The following SGCZ variants were observed in gnomAD, a reference collection of about 807,000 sequenced individuals.
SGCZ encodes sarcoglycan zeta, also known as zeta-sarcoglycan.
Under a neutral mutation model 41.3 loss-of-function variants are expected in SGCZ, and 40 were observed. The observed-to-expected ratio is 0.97, with a 90% confidence interval of 0.75 to 1.26. The LOEUF (loss-of-function observed/expected upper bound fraction) is 1.26, where lower values mean the gene tolerates loss of function less well. SGCZ is among the 50% of genes most tolerant of loss of function. The pLI is 0.00. For synonymous variants in SGCZ, 206 were observed against 137.5 expected (o/e 1.50, Z -3.49); for missense variants, 552 against 369.8 (o/e 1.49, Z -4.04).
chr8:14,098,805 G>A (rs888603816), intron 7 of SGCZ, among the ~76,000 whole-genome samples: 12 of 152,104 alleles, frequency 7.9e-5, no homozygotes, highest in African/African-American at 2.7e-4. Flanking sequence ...AGGATTGCAG[G>A]TGACAGCCTT....
At chr8:14,985,082 C>G (rs1193745996) in intron 1 of SGCZ, among the ~76,000 whole-genome samples, 3 of 151,968 alleles carry the variant, frequency 2.0e-5, no homozygotes, top group East Asian at 1.9e-4. Flanking sequence ...AAGCCAATAC[C>G]CAATGGTCAA....
chr8:14,871,940 G>A (rs905751883), intron 1 of SGCZ, among the ~76,000 whole-genome samples: 3 of 150,610 alleles, frequency 2.0e-5, no homozygotes, highest in Non-Finnish European at 3.0e-5. Context: ...ATATGTATAT[G>A]TGTATATATA....
At chr8:14,569,379 G>A (rs1804481065) in intron 1 of SGCZ, among the ~76,000 whole-genome samples, 2 of 152,042 alleles carry the variant, frequency 1.3e-5, no homozygotes, top group Non-Finnish European at 2.9e-5. Flanking sequence ...CAGGATTTCT[G>A]TTATACCAAA....
At chr8:14,716,743 T>A (rs1346542981) in intron 1 of SGCZ, among the ~76,000 whole-genome samples, 3 of 152,116 alleles carry the variant, frequency 2.0e-5, no homozygotes, top group African/African-American at 2.4e-5. Flanking sequence ...TAACAAAGCA[T>A]TGTATTTTTG....
chr8:14,941,120 G>C (rs1222613772), intron 1 of SGCZ, among the ~76,000 whole-genome samples: 1 of 152,006 alleles, frequency 6.6e-6, no homozygotes, highest in African/African-American at 2.4e-5. Context: ...GCATTGGTGA[G>C]AATGCTCAGA....
chr8:14,714,072 A>G (rs1809610301), intron 1 of SGCZ, among the ~76,000 whole-genome samples: 1 of 152,016 alleles, frequency 6.6e-6, no homozygotes, highest in East Asian at 1.9e-4. Context: ...GGTTGAAGCA[A>G]TTCTTCTGCC....
intron 2 of SGCZ, among the ~76,000 whole-genome samples, chr8:14,547,569 T>A (rs1163372594): frequency 6.6e-6 from 1 of 152,184 alleles, no homozygotes; most frequent in East Asian, 1.9e-4. Context: ...GGAAATAATG[T>A]TTGTTCTTGT....
intron 7 of SGCZ, among the ~76,000 whole-genome samples, chr8:14,096,715 C>T (rs1012681727): frequency 6.6e-6 from 1 of 152,082 alleles, no homozygotes; most frequent in Non-Finnish European, 1.5e-5. Flanking sequence ...TAGAATTCAG[C>T]TTTGTATCTG....
At chr8:14,822,067 A>G (rs1802111336) in intron 1 of SGCZ, among the ~76,000 whole-genome samples, 1 of 134,614 alleles carries the variant, frequency 7.4e-6, no homozygotes, top group Non-Finnish European at 1.6e-5. Context: ...AAAAAACCCT[A>G]AAGATTACAC....
At chr8:14,400,932 G>A (rs539946958) in intron 2 of SGCZ, among the ~76,000 whole-genome samples, 318 of 152,178 alleles carry the variant, frequency 2.1e-3, no homozygotes, top group African/African-American at 7.4e-3. Context: ...TTTCTGTCTT[G>A]TTTTGTTAAA....
chr8:15,150,327 T>A (rs1024959994), intron 1 of SGCZ, among the ~76,000 whole-genome samples: 11 of 152,170 alleles, frequency 7.2e-5, no homozygotes, highest in Non-Finnish European at 1.5e-4. Context: ...AATAAAAAGT[T>A]TCAGTTAGAC....
chr8:14,613,145 C>A (rs1203634648), intron 1 of SGCZ, among the ~76,000 whole-genome samples: 1 of 152,134 alleles, frequency 6.6e-6, no homozygotes, highest in Admixed American at 6.5e-5. Flanking sequence ...TGGGAGGGTG[C>A]ATGCTGAGTG....
intron 1 of SGCZ, among the ~76,000 whole-genome samples, chr8:14,961,420 T>C (rs939406981): frequency 2.0e-5 from 3 of 152,104 alleles, no homozygotes; most frequent in African/African-American, 4.8e-5. Context: ...ATTCTCATGG[T>C]CCATGGTTTT....
At chr8:14,216,081 T>G (rs1805984202) in intron 4 of SGCZ, among the ~76,000 whole-genome samples, 1 of 152,172 alleles carries the variant, frequency 6.6e-6, no homozygotes, top group South Asian at 2.1e-4. Flanking sequence ...ATCAACACAT[T>G]TGTGGAAAAT....
chr8:15,141,418 C>T (rs913923009), intron 1 of SGCZ, among the ~76,000 whole-genome samples: 2 of 152,218 alleles, frequency 1.3e-5, no homozygotes, highest in Non-Finnish European at 2.9e-5. Context: ...AGTTTGGGAG[C>T]ACAGAATATC....
intron 1 of SGCZ, among the ~76,000 whole-genome samples, chr8:14,777,599 A>C (rs889241375): frequency 6.6e-6 from 1 of 152,190 alleles, no homozygotes; most frequent in Non-Finnish European, 1.5e-5. Flanking sequence ...CTGGTTTGAT[A>C]ATTACAATGT....
At chr8:14,408,832 G>A (rs1194229592) in intron 2 of SGCZ, among the ~76,000 whole-genome samples, 1 of 152,010 alleles carries the variant, frequency 6.6e-6, no homozygotes, top group African/African-American at 2.4e-5. Context: ...CTGGTTTCAG[G>A]TTAAATGTTA....
chr8:14,890,514 C>T (rs947716035), intron 1 of SGCZ, among the ~76,000 whole-genome samples: 3 of 152,116 alleles, frequency 2.0e-5, no homozygotes, highest in African/African-American at 4.8e-5. Context: ...GGTGAGGAAG[C>T]TCAACAAGAA....
At chr8:14,794,959 G>A (rs942980296) in intron 1 of SGCZ, among the ~76,000 whole-genome samples, 1 of 152,144 alleles carries the variant, frequency 6.6e-6, no homozygotes, top group African/African-American at 2.4e-5. Context: ...GAGTTAAGGA[G>A]CACAATAACA....
Sources: allele counts gnomAD v4.1 joint callset (sites outside exome capture counted in the v4.1 genomes callset), GRCh38; gene constraint gnomAD v4.1.1; transcripts MANE v1.5; gene names NCBI Gene and HGNC (gene_info 2026-07-23, HGNC 2026-07-21).